Variants in VPS4B observed in about 807,000 individuals in gnomAD.
The protein encoded by VPS4B is vacuolar protein sorting 4 homolog B, also known as vacuolar protein sorting-associated protein 4B.
A neutral mutation model predicts 56.1 loss-of-function variants in VPS4B; 23 were observed. The observed-to-expected ratio is 0.41, with a 90% CI of 0.30 to 0.58. The LOEUF (loss-of-function observed/expected upper bound fraction) is 0.58. VPS4B is among the 20% of genes least tolerant of loss of function. The pLI is 0.29. For synonymous variants in VPS4B, 177 were observed against 186.0 expected (o/e 0.95, Z 0.39); for missense variants, 372 against 531.9 (o/e 0.70, Z 2.96).
chr18:63,398,249 C>T (rs890530534), intron 8 of VPS4B, among the ~76,000 whole-genome samples: 1 of 149,658 alleles, frequency 6.7e-6, no homozygotes, highest in Non-Finnish European at 1.5e-5. Flanking sequence ...GAGTCTCACT[C>T]TGTTGCCCAA....
chr18:63,418,724 C>G (rs1916225356), intron 1 of VPS4B, among the ~76,000 whole-genome samples: 1 of 152,130 alleles, frequency 6.6e-6, no homozygotes. Context: ...ATTCATAATT[C>G]TTTTCCAGGC....
intron 9 of VPS4B, among the ~76,000 whole-genome samples, chr18:63,393,789 T>A (rs1461480304): frequency 6.6e-6 from 1 of 151,982 alleles, no homozygotes; most frequent in Non-Finnish European, 1.5e-5. Flanking sequence ...CAGGCTGGAG[T>A]GAAGTGGCAC....
At chr18:63,402,230 T>C (rs1915827749) in intron 5 of VPS4B, among the ~76,000 whole-genome samples, 1 of 151,970 alleles carries the variant, frequency 6.6e-6, no homozygotes, top group African/African-American at 2.4e-5. Flanking sequence ...TTAGGTGGTA[T>C]ATACTTTAAA....
intron 10 of VPS4B, 99 bp from the exon 11 acceptor site, chr18:63,391,175 T>A: frequency 1.3e-6 from 1 of 759,016 alleles, no homozygotes; most frequent in Non-Finnish European, 2.2e-6. Context: ...TTAACCTAAG[T>A]TTAAATATGA....
At chr18:63,400,219 A>G in intron 6 of VPS4B, 23 bp from the exon 7 acceptor site, 1 of 1,575,796 alleles carries the variant, frequency 6.3e-7, no homozygotes, top group Non-Finnish European at 8.6e-7. Context: ...GAAAACTTTT[A>G]AGTCTCTAAA....
chr18:63,395,889 C>G (rs756377129), intron 9 of VPS4B, among the ~76,000 whole-genome samples: 18 of 152,200 alleles, frequency 1.2e-4, no homozygotes, highest in Non-Finnish European at 2.5e-4. Flanking sequence ...ACACACCTCA[C>G]CTCCAGGCAA....
chr18:63,410,514 A>G, intron 2 of VPS4B, 68 bp from the exon 3 acceptor site: 1 of 1,562,860 alleles, frequency 6.4e-7, no homozygotes, highest in Non-Finnish European at 8.6e-7. Context: ...GAACTCTTAA[A>G]TATGTATTTT....
intron 10 of VPS4B, among the ~76,000 whole-genome samples, chr18:63,392,680 C>T (rs1043887278): frequency 1.3e-5 from 2 of 151,818 alleles, no homozygotes; most frequent in African/African-American, 4.8e-5. Context: ...GATCTCCTGA[C>T]CTCATGATCC....
chr18:63,392,277 AAAGT>A (rs1454874681), intron 10 of VPS4B, among the ~76,000 whole-genome samples: 1 of 152,256 alleles, frequency 6.6e-6, no homozygotes, highest in Non-Finnish European at 1.5e-5. Context: ...CATGCCTTGC[AAAGT>A]AAGTCTTGTA....
rs1915757933 is a variant in VPS4B at position 63,399,277 on chromosome 18, A to G, written c.837T>C (p.Asn279=). ...TGGCAGAATCCAGAACCCAGGGTAT[A>G]TTTGTAGCTCCCAGAACCAAAATTC... ...NDGILVLGAT[N]IPWVLDSAIR... The change falls in exon 8 of 11, where the codon AAT becomes AAC. Residue 279 remains asparagine, a synonymous_variant. Transcript: ENST00000238497. 6.2e-7 allele frequency: 1 copy of G among 1,614,088 alleles called. No individual in the cohort carries two copies. Among genetic ancestry groups the G allele is most frequent in the Non-Finnish European group, 8.5e-7 (1 of 1,179,948 alleles).
At chr18:63,418,175 G>C (rs768649753) in intron 1 of VPS4B, among the ~76,000 whole-genome samples, 1 of 151,988 alleles carries the variant, frequency 6.6e-6, no homozygotes, top group Non-Finnish European at 1.5e-5. Flanking sequence ...TCAGCTCCTC[G>C]GTTCTCCTCT....
intron 1 of VPS4B, among the ~76,000 whole-genome samples, chr18:63,413,412 G>A (rs113152712): frequency 0.019 from 2,947 of 151,998 alleles, 90 homozygotes; most frequent in African/African-American, 0.067. Context: ...AGCGGCATGC[G>A]CCTATAGTCC....
At chr18:63,415,640 G>A (rs1298775692) in intron 1 of VPS4B, 18 of 245,212 alleles carry the variant, frequency 7.3e-5, no homozygotes, top group Admixed American at 7.3e-4. Flanking sequence ...GGGCCTCAAA[G>A]CTGTCCAGTT....
At chr18:63,407,028 A>G (rs972356468) in intron 4 of VPS4B, among the ~76,000 whole-genome samples, 5 of 152,228 alleles carry the variant, frequency 3.3e-5, no homozygotes, top group Admixed American at 6.5e-5. Context: ...TAAACCATCA[A>G]TAAGTGAGCT....
chr18:63,403,724 A>C lies in VPS4B; in HGVS notation c.467T>G (p.Phe156Cys). 1.2e-6 allele frequency: 2 copies of C among 1,608,322 alleles called. No individual in the cohort carries two copies. Among genetic ancestry groups the C allele is most frequent in the Non-Finnish European group, 8.5e-7 (1 of 1,177,670 alleles). Residue 156 changes from phenylalanine to cysteine, a missense_variant, in exon 5 of 11, where the codon TTT becomes TGT. Phe to Cys is a radical substitution (Grantham distance 205). Around this residue, in one of 3 missense-constraint regions of VPS4B, gnomAD observed 153 missense variants for 190.3 expected, o/e 0.80. Coordinates refer to ENST00000238497, the MANE Select transcript of VPS4B (RefSeq NM_004869.4). ...LKEAVILPIK[F>C]PHLFTGKRTP... ...TATGTCACCTGTAAAAAGATGAGGA[A>C]ATTTAATAGGCAGTATCACAGCCTC... is the stretch of plus-strand genomic sequence containing the variant.
chr18:63,411,328 G>T, intron 2 of VPS4B, 139 bp downstream of exon 2: 1 of 572,286 alleles, frequency 1.7e-6, no homozygotes, highest in Non-Finnish European at 2.7e-6. Context: ...AAAATCACTA[G>T]AAAGAAAGTG....
chr18:63,419,590 T>C (rs1289207867), intron 1 of VPS4B, among the ~76,000 whole-genome samples: 1 of 150,320 alleles, frequency 6.7e-6, no homozygotes, highest in African/African-American at 2.4e-5. Context: ...TACAATATAC[T>C]GTAATAAAAG....
chr18:63,412,720 T>A (rs1916071643), intron 1 of VPS4B, among the ~76,000 whole-genome samples: 1 of 152,134 alleles, frequency 6.6e-6, no homozygotes, highest in African/African-American at 2.4e-5. Context: ...CGGGGCTCCA[T>A]CTCACTATGT....
intron 5 of VPS4B, among the ~76,000 whole-genome samples, chr18:63,401,015 T>A (rs745376259): frequency 1.3e-5 from 2 of 152,228 alleles, no homozygotes; most frequent in Admixed American, 1.3e-4. Flanking sequence ...TGGAGTCTAG[T>A]AGGGGAAAAG....
Sources: allele counts gnomAD v4.1 joint callset (sites outside exome capture counted in the v4.1 genomes callset), GRCh38; gene constraint gnomAD v4.1.1; regional missense constraint gnomAD v4.1.1; transcripts MANE v1.5; gene names NCBI Gene and HGNC (gene_info 2026-07-23, HGNC 2026-07-21).